SELENOF: variants seen among roughly 807,000 people sequenced by gnomAD.
SELENOF encodes the protein 15 kDa selenoprotein.
SELENOF carries 16 observed loss-of-function variants against 20.5 expected under a neutral mutation model. The observed-to-expected ratio is 0.78, with a 90% CI of 0.53 to 1.19. The LOEUF is 1.19. Ranked by LOEUF, SELENOF falls within the 50% of genes most tolerant of loss-of-function variation. The pLI is 0.00. For missense variants in SELENOF, 215 were observed against 194.2 expected, an observed-to-expected ratio of 1.11 and a Z score of -0.64; for synonymous variants, 78 against 74.5, an observed-to-expected ratio of 1.05 and a Z score of -0.24.
chr1:86,873,120 G>A (rs575144716), intron 3 of SELENOF, among the ~76,000 whole-genome samples: 6 of 151,526 alleles, frequency 4.0e-5, no homozygotes, highest in Non-Finnish European at 8.8e-5. Flanking sequence ...ATCCAGGCAC[G>A]GTGGTGCATG....
At position 86,896,951 on chromosome 1, in the gene SELENOF, G is replaced by A. The variant is rs1003576393; in HGVS notation, c.252+6330C>T. 1.1e-4 allele frequency among the ~76,000 whole-genome samples: 17 copies of A among 152,140 alleles called. 1 individual carries two copies. Among genetic ancestry groups the A allele is most frequent in the African/African-American group, 4.1e-4 (17 of 41,492 alleles). ...CTTAGTAAAAACAGCCTTATTCAAG[G>A]GCAAGAACTTATGAAATACTGTGTG... On this transcript the variant is annotated intron_variant, in intron 2 of 4. Transcript: ENST00000331835.
chr1:86,883,983 T>G (rs1222023511), intron 2 of SELENOF, among the ~76,000 whole-genome samples: 1 of 152,186 alleles, frequency 6.6e-6, no homozygotes, highest in Non-Finnish European at 1.5e-5. Flanking sequence ...TTTTGTTGAT[T>G]TCCTCGTCTC....
intron 2 of SELENOF, among the ~76,000 whole-genome samples, chr1:86,902,448 T>C (rs1032059492): frequency 6.6e-6 from 1 of 152,136 alleles, no homozygotes; most frequent in African/African-American, 2.4e-5. Flanking sequence ...CTACCAATAA[T>C]AATAACACAT....
intron 1 of SELENOF, among the ~76,000 whole-genome samples, chr1:86,911,974 G>T (rs1659995813): frequency 6.6e-6 from 1 of 152,062 alleles, no homozygotes; most frequent in African/African-American, 2.4e-5. Flanking sequence ...GTTTCACCGT[G>T]TTGGCCAGAC....
At chr1:86,895,953 C>T (rs1369125518) in intron 2 of SELENOF, among the ~76,000 whole-genome samples, 3 of 152,110 alleles carry the variant, frequency 2.0e-5, no homozygotes, top group African/African-American at 4.8e-5. Flanking sequence ...ATAGGCCAGG[C>T]GCGGTGGCTC....
intron 4 of SELENOF, among the ~76,000 whole-genome samples, chr1:86,864,286 G>A (rs1658537368): frequency 6.6e-6 from 1 of 152,192 alleles, no homozygotes; most frequent in African/African-American, 2.4e-5. Context: ...AAATCCATTA[G>A]TTGGGTCCAA....
intron 4 of SELENOF, among the ~76,000 whole-genome samples, chr1:86,865,467 CA>C (rs1184801213): frequency 2.0e-5 from 3 of 152,092 alleles, no homozygotes; most frequent in Admixed American, 2.0e-4. Context: ...ATAAAATGGG[CA>C]AAGGACTTGA....
At chr1:86,898,860 T>C (rs1431195184) in intron 2 of SELENOF, among the ~76,000 whole-genome samples, 3 of 151,462 alleles carry the variant, frequency 2.0e-5, no homozygotes, top group South Asian at 2.1e-4. Context: ...CATAGGACAA[T>C]AGTGGAGGGA....
At chr1:86,912,421 T>C (rs1008245201) in intron 1 of SELENOF, among the ~76,000 whole-genome samples, 1 of 152,198 alleles carries the variant, frequency 6.6e-6, no homozygotes, top group African/African-American at 2.4e-5. Flanking sequence ...ATACCTCCTA[T>C]CCTGGTATGC....
chr1:86,864,244 A>C (rs949951634), intron 4 of SELENOF, among the ~76,000 whole-genome samples: 1 of 152,238 alleles, frequency 6.6e-6, no homozygotes, highest in Admixed American at 6.5e-5. Flanking sequence ...ATTTGTAATC[A>C]GTTTAGAATT....
At chr1:86,907,248 C>T (rs1167727500) in intron 1 of SELENOF, among the ~76,000 whole-genome samples, 1 of 152,146 alleles carries the variant, frequency 6.6e-6, no homozygotes, top group Non-Finnish European at 1.5e-5. Context: ...GTACTGAATA[C>T]ATGTTGGTAT....
At chr1:86,911,251 T>TA (rs1659972604) in intron 1 of SELENOF, among the ~76,000 whole-genome samples, 1 of 152,054 alleles carries the variant, frequency 6.6e-6, no homozygotes, top group Non-Finnish European at 1.5e-5. Context: ...AGAAAGAGAG[T>TA]AAGTAGAAGA....
intron 2 of SELENOF, among the ~76,000 whole-genome samples, chr1:86,894,714 A>G (rs916997392): frequency 4.6e-5 from 7 of 152,208 alleles, no homozygotes; most frequent in Non-Finnish European, 7.4e-5. Context: ...ACGCATGTCA[A>G]TAATCCCAGC....
At chr1:86,872,629 C>A (rs1191690326) in intron 3 of SELENOF, among the ~76,000 whole-genome samples, 1 of 151,928 alleles carries the variant, frequency 6.6e-6, no homozygotes, top group African/African-American at 2.4e-5. Flanking sequence ...GATCCACCCG[C>A]CTCGGCCTTC....
intron 1 of SELENOF, among the ~76,000 whole-genome samples, chr1:86,905,441 G>C (rs928873657): frequency 3.3e-5 from 5 of 152,134 alleles, no homozygotes; most frequent in African/African-American, 9.6e-5. Context: ...AATCTAATCA[G>C]TATTAGTCTT....
At chr1:86,866,532 T>G (rs1301671573) in intron 4 of SELENOF, among the ~76,000 whole-genome samples, 3 of 152,074 alleles carry the variant, frequency 2.0e-5, no homozygotes, top group Non-Finnish European at 4.4e-5. Flanking sequence ...GAAAAAGTTA[T>G]AGAGAACTGT....
chr1:86,865,750 T>A (rs957719866), intron 4 of SELENOF, among the ~76,000 whole-genome samples: 13 of 152,088 alleles, frequency 8.5e-5, no homozygotes, highest in African/African-American at 3.1e-4. Flanking sequence ...TACCATATGA[T>A]CCAGCAATTC....
intron 2 of SELENOF, among the ~76,000 whole-genome samples, chr1:86,894,392 TATA>T (rs1430706811): frequency 1.3e-5 from 2 of 152,196 alleles, no homozygotes; most frequent in Non-Finnish European, 2.9e-5. Flanking sequence ...TATTTTCTGC[TATA>T]ATGTTACTTC....
chr1:86,914,185 G>C (rs1660075482), upstream of SELENOF: 10 of 1,303,280 alleles, frequency 7.7e-6, no homozygotes, highest in East Asian at 1.8e-4. Flanking sequence ...ATCCAAAACA[G>C]AACGCTAACG....
Sources: allele counts gnomAD v4.1 joint callset (sites outside exome capture counted in the v4.1 genomes callset), GRCh38; gene constraint gnomAD v4.1.1; transcripts MANE v1.5; gene names NCBI Gene and HGNC (gene_info 2026-07-23, HGNC 2026-07-21).